DAAM1: variants seen among roughly 807,000 people sequenced by gnomAD.
DAAM1 encodes dishevelled associated activator of morphogenesis 1.
In DAAM1, 52 loss-of-function variants were observed where a neutral mutation model predicts 130.0. The observed-to-expected ratio is 0.40, with a 90% CI of 0.32 to 0.50. DAAM1 has a LOEUF of 0.50. Among genes scored for constraint, DAAM1 ranks in the 20% least tolerant of loss-of-function variants. DAAM1 has a pLI of 0.61. For synonymous variants in DAAM1, 452 were observed against 444.5 expected, an observed-to-expected ratio of 1.02 and a Z score of -0.21; for missense variants, 1,134 against 1,303.8, an observed-to-expected ratio of 0.87 and a Z score of 2.01.
chr14:59,352,991 C>CAA (rs34084858), intron 18 of DAAM1, among the ~76,000 whole-genome samples: 1 of 129,518 alleles, frequency 7.7e-6, no homozygotes, highest in Non-Finnish European at 1.7e-5. Flanking sequence ...GGTTGTAAAA[C>CAA]AAAAAAAAAA....
intron 10 of DAAM1, among the ~76,000 whole-genome samples, 189 bp from the exon 11 acceptor site, chr14:59,326,321 G>T (rs1233788064): frequency 6.6e-6 from 1 of 152,116 alleles, no homozygotes; most frequent in African/African-American, 2.4e-5. Context: ...TCAGAAAGGG[G>T]TAGAGGGTAC....
chr14:59,206,023 G>T (rs1888245503), intron 1 of DAAM1, among the ~76,000 whole-genome samples: 1 of 151,726 alleles, frequency 6.6e-6, no homozygotes. Flanking sequence ...TCTAAATTTT[G>T]AAAAATTTTC....
chr14:59,352,602 A>G lies in DAAM1; in HGVS notation c.2237A>G (p.Lys746Arg). Residue 746 changes from lysine to arginine, a missense_variant, in exon 18 of 25, where the codon AAG becomes AGG. By Grantham distance (26) the Lys-to-Arg change is conservative. Coordinates refer to ENST00000360909, the MANE Select transcript of DAAM1 (RefSeq NM_001270520.2). ...EHKHELDRMA[K>R]ADRFLFEMSR... ...AAACACGAACTGGATCGGATGGCCA[A>G]GGCTGATAGGTTCCTTTTTGAGATG... 1 of 1,613,432 alleles carries G rather than the reference A, an allele frequency of 6.2e-7. No individual in the cohort carries two copies. Among genetic ancestry groups the G allele is most frequent in the Non-Finnish European group, 8.5e-7 (1 of 1,179,704 alleles).
rs375933200 is a variant in DAAM1 at position 59,248,814 on chromosome 14, C to T, written c.-37-14627C>T. Among the ~76,000 whole-genome samples, 329 of 152,234 alleles carry T rather than the reference C, an allele frequency of 2.2e-3. 1 individual carries two copies. The highest frequency in any genetic ancestry group is 7.4e-3 in the African/African-American group (308 of 41,534). ...TTTGTTTTGTTTTGAGATGGAGTCT[C>T]GCTCTGTCGCCCAGGCTGGAGTGCA... On this transcript the variant is annotated intron_variant, in intron 1 of 24. Transcript: ENST00000360909.
intron 2 of DAAM1, among the ~76,000 whole-genome samples, chr14:59,282,239 A>G (rs1219055018): frequency 6.6e-6 from 1 of 152,006 alleles, no homozygotes; most frequent in Non-Finnish European, 1.5e-5. Flanking sequence ...CATTGTGTTG[A>G]TCATTCTTGA....
intron 2 of DAAM1, among the ~76,000 whole-genome samples, chr14:59,271,518 A>T (rs551170138): frequency 6.6e-6 from 1 of 152,202 alleles, no homozygotes; most frequent in Non-Finnish European, 1.5e-5. Flanking sequence ...GATATATCAG[A>T]TTTAGATAAA....
At chr14:59,325,482 G>A (rs185986023) in intron 8 of DAAM1, among the ~76,000 whole-genome samples, 182 bp from the exon 9 acceptor site, 3 of 152,076 alleles carry the variant, frequency 2.0e-5, no homozygotes, top group African/African-American at 7.2e-5. Context: ...GATCTGTTTC[G>A]CTCAGGTGAT....
chr14:59,315,899 G>A (rs1297882449), intron 4 of DAAM1, among the ~76,000 whole-genome samples: 3 of 152,106 alleles, frequency 2.0e-5, no homozygotes, highest in Non-Finnish European at 2.9e-5. Context: ...AGATGTCCTC[G>A]GAAAATCTTT....
In DAAM1 at chr14:59,263,541, G is replaced by T; in HGVS notation, c.64G>T (p.Asp22Tyr). The change falls in exon 2 of 25, where the codon GAT (aspartate) becomes TAT (tyrosine). Residue 22 changes from aspartate (D) to tyrosine (Y), a missense_variant. Around this residue, in one of 3 missense-constraint regions of DAAM1, gnomAD observed 99 missense variants for 86.4 expected, o/e 1.15. Transcript: ENST00000360909. ...SFIFCCFRNN[D>Y]HPEITYRLRN... is the part of the protein sequence containing the mutation. ...CATCTTTTGCTGTTTCCGAAATAAT[G>T]ATCACCCAGAAATCACGTATCGGCT... 1 of 1,614,184 alleles carries T rather than the reference G, an allele frequency of 6.2e-7. No homozygotes were observed. Among genetic ancestry groups the T allele is most frequent in the East Asian group, 2.2e-5 (1 of 44,886 alleles).
chr14:59,362,193 G>C (rs1423744981), intron 22 of DAAM1: 1 of 151,736 alleles, frequency 6.6e-6, no homozygotes, highest in Non-Finnish European at 1.5e-5. Flanking sequence ...GGAGGCTTCT[G>C]GGGAAATTTT....
rs575264182 is a variant in DAAM1 at position 59,227,893 on chromosome 14, C to T, written c.-37-35548C>T. 5.3e-5 allele frequency among the ~76,000 whole-genome samples: 8 copies of T among 152,244 alleles called. 1 individual carries two copies. In the South Asian group the frequency reaches 6.2e-4, roughly 12 times the overall value. On this transcript the variant is annotated intron_variant, in intron 1 of 24. Transcript: ENST00000360909. ...ACAGGCAGGCTATCCCAGTGAGACG[C>T]GGGGATTTCTTACCCCTAGTCATTG...
chr14:59,366,594 TAAA>T (rs1052055453), intron 23 of DAAM1, among the ~76,000 whole-genome samples: 2 of 152,190 alleles, frequency 1.3e-5, no homozygotes, highest in Non-Finnish European at 2.9e-5. Context: ...GTTTAGTTAA[TAAA>T]AAGTCATAGG....
intron 1 of DAAM1, among the ~76,000 whole-genome samples, chr14:59,208,145 T>A (rs2146009): frequency 0.25 from 38,719 of 152,116 alleles, 5,392 homozygotes; most frequent in East Asian, 0.49. Flanking sequence ...AATAAAACTC[T>A]TAGATGACTG....
intron 1 of DAAM1, among the ~76,000 whole-genome samples, chr14:59,252,174 C>A (rs1881675589): frequency 6.6e-6 from 1 of 152,174 alleles, no homozygotes; most frequent in Admixed American, 6.5e-5. Flanking sequence ...AGTGTGAAAG[C>A]CAGCGGCCCT....
intron 1 of DAAM1, among the ~76,000 whole-genome samples, chr14:59,229,215 C>T (rs1045638475): frequency 2.0e-5 from 3 of 152,112 alleles, no homozygotes; most frequent in East Asian, 1.9e-4. Context: ...TTTCATTGAG[C>T]GAATGATGCA....
chr14:59,335,598 A>G (rs1488547201), intron 15 of DAAM1, among the ~76,000 whole-genome samples: 1 of 152,168 alleles, frequency 6.6e-6, no homozygotes, highest in Non-Finnish European at 1.5e-5. Flanking sequence ...ACATTTACCT[A>G]AAGGGAGTCA....
At chr14:59,300,320 T>G (rs1884118645) in intron 3 of DAAM1, among the ~76,000 whole-genome samples, 1 of 152,222 alleles carries the variant, frequency 6.6e-6, no homozygotes, top group Non-Finnish European at 1.5e-5. Context: ...CAATAGAGCA[T>G]TCTAGCTGTG....
chr14:59,282,081 C>G (rs978889042), intron 2 of DAAM1, among the ~76,000 whole-genome samples: 1 of 152,108 alleles, frequency 6.6e-6, no homozygotes, highest in Admixed American at 6.6e-5. Flanking sequence ...TCTTATGTAC[C>G]TCTAAGCTCT....
chr14:59,303,777 G>A (rs1884271922), intron 3 of DAAM1, among the ~76,000 whole-genome samples: 1 of 152,132 alleles, frequency 6.6e-6, no homozygotes. Flanking sequence ...GCGTGTGCCT[G>A]TAATCCCAGC....
Sources: gnomAD v4.1 joint callset for allele counts (sites outside exome capture counted in the v4.1 genomes callset) on GRCh38, gnomAD v4.1.1 for gene constraint, gnomAD v4.1.1 regional missense constraint, MANE v1.5 for transcripts, NCBI Gene and HGNC (gene_info 2026-07-23, HGNC 2026-07-21) for gene names.